DOCK1: variants seen among roughly 807,000 people sequenced by gnomAD.
DOCK1 encodes dedicator of cytokinesis protein 1.
DOCK1 carries 138 observed loss-of-function variants against 262.7 expected under a neutral mutation model. The observed-to-expected ratio is 0.53, with a 90% CI of 0.46 to 0.61. DOCK1 has a LOEUF of 0.61. Ranked by LOEUF, DOCK1 falls within the 20% of genes least tolerant of loss-of-function variation. The pLI, the probability that DOCK1 is intolerant of heterozygous loss-of-function variation, is 0.00. For synonymous variants in DOCK1, 866 were observed against 867.4 expected (o/e 1.00, Z 0.03); for missense variants, 1,908 against 2,370.7 (o/e 0.80, Z 4.05).
chr10:127,329,809 G>T, intron 29 of DOCK1, among the ~76,000 whole-genome samples: 1 of 152,152 alleles, frequency 6.6e-6, no homozygotes, highest in East Asian at 1.9e-4. Flanking sequence ...CGAATAAGAA[G>T]GACCAAGTAG....
At chr10:127,081,882 C>T (rs1268945391) in intron 23 of DOCK1, among the ~76,000 whole-genome samples, 3 of 152,194 alleles carry the variant, frequency 2.0e-5, no homozygotes, top group Non-Finnish European at 4.4e-5. Context: ...CCTCTCGTCA[C>T]CACCGTAATC....
At chr10:127,112,272 A>G (rs1363941590) in intron 25 of DOCK1, among the ~76,000 whole-genome samples, 1 of 152,178 alleles carries the variant, frequency 6.6e-6, no homozygotes, top group African/African-American at 2.4e-5. Context: ...TCGGCCTCCC[A>G]GAGTGCTGGG....
chr10:126,998,987 T>A (rs1393635938), intron 8 of DOCK1, among the ~76,000 whole-genome samples: 1 of 152,198 alleles, frequency 6.6e-6, no homozygotes, highest in Non-Finnish European at 1.5e-5. Context: ...TAGGATGCAG[T>A]TTTTATTTTA....
At chr10:126,911,488 C>T (rs115594511) in intron 1 of DOCK1, among the ~76,000 whole-genome samples, 9 of 152,298 alleles carry the variant, frequency 5.9e-5, no homozygotes, top group Admixed American at 2.6e-4. Flanking sequence ...GTGGAGACCA[C>T]GGTTAACACC....
In DOCK1 at chr10:127,175,194, A is replaced by G; in HGVS notation, c.2847+47430A>G. ...ATCAGCCTGCATAGCTTCCTAAGACATGGGTGAACATACATACCCTTCCCG... is the reference window on the plus strand; with the variant it reads ...ATCAGCCTGCATAGCTTCCTAAGACGTGGGTGAACATACATACCCTTCCCG... On this transcript the variant is annotated intron_variant, in intron 27 of 51. Coordinates refer to ENST00000623213, the MANE Select transcript of DOCK1 (RefSeq NM_001290223.2). This position sits in a 1 kb window ranked among gnomAD's most constrained non-coding sequence, Gnocchi z 6.3. 3 of 1,589,446 alleles carry G rather than the reference A, an allele frequency of 1.9e-6. No homozygotes were observed. The highest frequency in any genetic ancestry group is 2.6e-6 in the Non-Finnish European group (3 of 1,164,576).
chr10:127,071,068 T>C (rs1375245700), intron 23 of DOCK1, among the ~76,000 whole-genome samples: 1 of 152,102 alleles, frequency 6.6e-6, no homozygotes. Flanking sequence ...AAGTGTGTCA[T>C]GTTAAGAAAG....
intron 27 of DOCK1, among the ~76,000 whole-genome samples, chr10:127,245,388 C>T (rs539265503): frequency 3.9e-4 from 60 of 152,334 alleles, no homozygotes; most frequent in Non-Finnish European, 6.8e-4. Flanking sequence ...CCGGCAGCAC[C>T]GCCTCTAACT....
chr10:127,324,925 A>G, intron 29 of DOCK1, among the ~76,000 whole-genome samples: 1 of 151,412 alleles, frequency 6.6e-6, no homozygotes, highest in Non-Finnish European at 1.5e-5. Context: ...TTAGGGAACC[A>G]GCATCCTCCA....
intron 25 of DOCK1, among the ~76,000 whole-genome samples, chr10:127,112,580 G>C (rs1335368027): frequency 6.6e-6 from 1 of 152,146 alleles, no homozygotes; most frequent in Admixed American, 6.5e-5. Flanking sequence ...GTAATATTTT[G>C]AAATAATTAA....
At chr10:127,307,731 G>A (rs1319778977) in intron 29 of DOCK1, among the ~76,000 whole-genome samples, 2 of 152,210 alleles carry the variant, frequency 1.3e-5, no homozygotes, top group African/African-American at 2.4e-5. Flanking sequence ...TGAGTTCAGC[G>A]CACATCCTGG....
At chr10:127,246,416 AT>A (rs2059432592) in intron 27 of DOCK1, among the ~76,000 whole-genome samples, 1 of 152,210 alleles carries the variant, frequency 6.6e-6, no homozygotes. Flanking sequence ...GACACATCTC[AT>A]TGTCATAAGG....
chr10:127,391,020 T>G (rs1331870940), intron 38 of DOCK1, among the ~76,000 whole-genome samples: 3 of 152,202 alleles, frequency 2.0e-5, no homozygotes, highest in African/African-American at 7.2e-5. Flanking sequence ...AAGCGGAAGC[T>G]GCCCACTGTC....
intron 10 of DOCK1, among the ~76,000 whole-genome samples, chr10:127,007,186 T>C (rs1032311165): frequency 3.3e-5 from 5 of 152,130 alleles, no homozygotes; most frequent in Non-Finnish European, 7.3e-5. Context: ...CCTGGCTCTT[T>C]GAGGCCCCTT....
At chr10:127,117,333 C>T (rs181561603) in intron 25 of DOCK1, among the ~76,000 whole-genome samples, 22 of 152,298 alleles carry the variant, frequency 1.4e-4, no homozygotes, top group African/African-American at 5.3e-4. Context: ...TGTCCACCGC[C>T]GTGGTGCTGA....
In DOCK1 at chr10:127,137,835, T is replaced by C; in HGVS notation, c.2847+10071T>C. On this transcript the variant is annotated intron_variant, in intron 27 of 51. Transcript: ENST00000623213. ...GCCTCGAGACTCCAGACACCGTGAG[T>C]GTTAAAGGAACCAGAGTTTCCATCT... is the stretch of plus-strand genomic sequence containing the variant. The C allele has an allele frequency of 9.9e-6, 16 of 1,612,470 alleles. No homozygotes were observed. The Middle Eastern group carries it at 1.4e-3, about 136-fold the overall frequency.
intron 28 of DOCK1, among the ~76,000 whole-genome samples, chr10:127,251,043 A>G (rs1430430703): frequency 6.6e-6 from 1 of 151,286 alleles, no homozygotes; most frequent in Non-Finnish European, 1.5e-5. Context: ...GCTCACCACA[A>G]CCTCCTCCTC....
intron 1 of DOCK1, among the ~76,000 whole-genome samples, chr10:126,964,592 T>A (rs1472148091): frequency 6.6e-6 from 1 of 152,230 alleles, no homozygotes; most frequent in Non-Finnish European, 1.5e-5. Flanking sequence ...AGCAATTAAT[T>A]TTCACAAATT....
At position 127,439,396 on chromosome 10, in the gene DOCK1, A is replaced by C. The variant is rs181405779; in HGVS notation, c.5259+171A>C. Among the ~76,000 whole-genome samples, 1,470 of 152,284 alleles carry C rather than the reference A, an allele frequency of 9.7e-3. 17 individuals carry two copies. The highest frequency in any genetic ancestry group is 0.033 in the African/African-American group (1,384 of 41,566). On this transcript the variant is annotated intron_variant, in intron 49 of 51. Coordinates refer to ENST00000623213, the MANE Select transcript of DOCK1 (RefSeq NM_001290223.2). Reference sequence around the variant, plus strand: ...ACCTCAAATGTCCCAAGGCAGTAGGACAGCCAGAGCCACAGAGAGACCTGG... The same window carrying C: ...ACCTCAAATGTCCCAAGGCAGTAGGCCAGCCAGAGCCACAGAGAGACCTGG...
At chr10:127,116,497 A>G (rs2049187392) in intron 25 of DOCK1, among the ~76,000 whole-genome samples, 1 of 152,142 alleles carries the variant, frequency 6.6e-6, no homozygotes, top group Admixed American at 6.5e-5. Context: ...TTTCTACACT[A>G]TTATCATTGT....
Sources: gnomAD v4.1 joint callset for allele counts (sites outside exome capture counted in the v4.1 genomes callset) on GRCh38, gnomAD v4.1.1 for gene constraint, Gnocchi (gnomAD v3.1) non-coding constraint, MANE v1.5 for transcripts, NCBI Gene and HGNC (gene_info 2026-07-23, HGNC 2026-07-21) for gene names.